COLEC10: variants seen among roughly 807,000 people sequenced by gnomAD.
COLEC10 encodes the protein collectin-10.
Under a neutral mutation model 28.4 loss-of-function variants are expected in COLEC10, and 22 were observed. The ratio of observed to expected loss-of-function variants is 0.78; its 90% CI spans 0.55 to 1.11. The LOEUF is 1.11. COLEC10 is among the 50% of genes least tolerant of loss of function. COLEC10 has a pLI of 0.00. For missense variants in COLEC10, 361 were observed against 344.1 expected, an observed-to-expected ratio of 1.05 and a Z score of -0.39; for synonymous variants, 125 against 116.1, an observed-to-expected ratio of 1.08 and a Z score of -0.49.
intron 2 of COLEC10, among the ~76,000 whole-genome samples, chr8:119,058,388 A>G (rs1814798860): frequency 6.6e-6 from 1 of 152,016 alleles, no homozygotes; most frequent in Non-Finnish European, 1.5e-5. Context: ...CATCACTTCA[A>G]CAGTCCCATT....
At chr8:118,963,036 G>A in the COLEC10 span, among the ~76,000 whole-genome samples, 1 of 152,132 alleles carries the variant, frequency 6.6e-6, no homozygotes, top group Non-Finnish European at 1.5e-5. Flanking sequence ...AACTGAGGGT[G>A]TGAAAGAAAA....
the COLEC10 span, among the ~76,000 whole-genome samples, chr8:118,977,787 A>T: frequency 0.054 from 8,100 of 150,744 alleles, 322 homozygotes; most frequent in East Asian, 0.16. Flanking sequence ...AACTAAAAAA[A>T]ATATATATAT....
chr8:119,076,262 CTTTTT>C (rs71296909), intron 1 of COLEC10, among the ~76,000 whole-genome samples: 3 of 138,472 alleles, frequency 2.2e-5, no homozygotes, highest in Non-Finnish European at 3.1e-5. Context: ...ACACAAAATT[CTTTTT>C]TTTTTTTTTT....
chr8:119,091,205 C>G lies in COLEC10; in HGVS notation c.277C>G (p.Pro93Ala). 1 of 1,611,440 alleles carries G rather than the reference C, an allele frequency of 6.2e-7. No individual in the cohort carries two copies. The highest frequency in any genetic ancestry group is 1.1e-5 in the South Asian group (1 of 90,734). Residue 93 changes from proline (P) to alanine (A), a missense_variant, in exon 3 of 6, where the codon CCC (proline) becomes GCC (alanine). Transcript: ENST00000332843. ...TCAGGGCAATATTGGCAAGACTGGG[C>G]CCATTGGGAAGAAGGGTAAGTTGCA... ...GDQGNIGKTG[P>A]IGKKGDKGEK...
chr8:119,070,627 C>T (rs1384524309), intron 1 of COLEC10, among the ~76,000 whole-genome samples: 2 of 147,538 alleles, frequency 1.4e-5, no homozygotes, highest in Non-Finnish European at 3.0e-5. Context: ...TTTTCTCCCT[C>T]TTCCCCCATC....
intron 1 of COLEC10, among the ~76,000 whole-genome samples, chr8:119,007,059 G>T (rs2130075880): frequency 6.6e-6 from 1 of 152,186 alleles, no homozygotes; most frequent in Non-Finnish European, 1.5e-5. Flanking sequence ...AGCTGGAAGT[G>T]GAGGACTCAA....
chr8:119,080,601 C>T (rs972858108), intron 1 of COLEC10, among the ~76,000 whole-genome samples: 1 of 151,946 alleles, frequency 6.6e-6, no homozygotes, highest in African/African-American at 2.4e-5. Flanking sequence ...GATAAAGAGC[C>T]ATAGTTCCAT....
chr8:118,961,738 A>G, the COLEC10 span, among the ~76,000 whole-genome samples: 1 of 152,104 alleles, frequency 6.6e-6, no homozygotes, highest in Non-Finnish European at 1.5e-5. Flanking sequence ...TGGATTGGAG[A>G]CCATTCTTGG....
At chr8:118,957,751 A>G in the COLEC10 span, among the ~76,000 whole-genome samples, 7 of 152,178 alleles carry the variant, frequency 4.6e-5, no homozygotes, top group Non-Finnish European at 1.0e-4. Flanking sequence ...ATTAAGAATG[A>G]ATTCTCTAGC....
intron 1 of COLEC10, among the ~76,000 whole-genome samples, chr8:119,005,129 T>C (rs1313309613): frequency 1.3e-5 from 2 of 152,128 alleles, no homozygotes; most frequent in Non-Finnish European, 2.9e-5. Flanking sequence ...TTAATTTCAC[T>C]CAATTCCTTT....
At chr8:118,959,094 C>A in the COLEC10 span, among the ~76,000 whole-genome samples, 1 of 152,322 alleles carries the variant, frequency 6.6e-6, no homozygotes, top group African/African-American at 2.4e-5. Flanking sequence ...GGAAGCTCTG[C>A]CCCTTCTTTA....
chr8:118,994,891 G>T (rs1731597510), upstream of COLEC10, among the ~76,000 whole-genome samples: 1 of 152,118 alleles, frequency 6.6e-6, no homozygotes, highest in Admixed American at 6.6e-5. Flanking sequence ...TAATATACAT[G>T]AGTTCACTTT....
At chr8:119,053,144 A>G (rs1205149104) in intron 2 of COLEC10, among the ~76,000 whole-genome samples, 1 of 152,150 alleles carries the variant, frequency 6.6e-6, no homozygotes, top group Non-Finnish European at 1.5e-5. Flanking sequence ...ACTTCAGTGG[A>G]AAAATGCTGC....
intron 2 of COLEC10, among the ~76,000 whole-genome samples, chr8:119,027,097 C>G (rs1441267967): frequency 6.6e-6 from 1 of 152,122 alleles, no homozygotes; most frequent in Non-Finnish European, 1.5e-5. Context: ...TGCTATAAAA[C>G]AGGAATAACA....
At chr8:119,046,607 T>C (rs1203041336) in intron 2 of COLEC10, among the ~76,000 whole-genome samples, 1 of 152,154 alleles carries the variant, frequency 6.6e-6, no homozygotes, top group Non-Finnish European at 1.5e-5. Flanking sequence ...TAGCAGTGCC[T>C]CTTAAAGAAA....
chr8:119,032,978 C>T (rs1814318417), intron 2 of COLEC10, among the ~76,000 whole-genome samples: 1 of 152,150 alleles, frequency 6.6e-6, no homozygotes. Context: ...AATTCAGAAA[C>T]GGGCTTTTTT....
chr8:119,043,950 T>G (rs1310578474), intron 2 of COLEC10, among the ~76,000 whole-genome samples: 9 of 152,308 alleles, frequency 5.9e-5, no homozygotes, highest in African/African-American at 1.9e-4. Context: ...TCATAGTGCC[T>G]TTTAGACCAG....
chr8:119,075,725 C>T (rs945075049), intron 1 of COLEC10, among the ~76,000 whole-genome samples: 1 of 152,070 alleles, frequency 6.6e-6, no homozygotes, highest in African/African-American at 2.4e-5. Flanking sequence ...ACTGCTCTTG[C>T]ATGCGATTTG....
chr8:118,965,490 C>G, the COLEC10 span, among the ~76,000 whole-genome samples: 1 of 152,156 alleles, frequency 6.6e-6, no homozygotes, highest in Non-Finnish European at 1.5e-5. Context: ...CCATTTCTCA[C>G]CCCCGTCTCA....
Sources: gnomAD v4.1 joint callset for allele counts (sites outside exome capture counted in the v4.1 genomes callset) on GRCh38, gnomAD v4.1.1 for gene constraint, MANE v1.5 for transcripts, NCBI Gene and HGNC (gene_info 2026-07-23, HGNC 2026-07-21) for gene names.